DOK5: variants seen among roughly 807,000 people sequenced by gnomAD.
DOK5 encodes downstream of tyrosine kinase 5.
A neutral mutation model predicts 43.3 loss-of-function variants in DOK5; 27 were observed. The observed-to-expected ratio is 0.62, with a 90% CI of 0.46 to 0.86. The LOEUF is 0.86. DOK5 is among the 40% of genes least tolerant of loss of function. The probability of loss-of-function intolerance (pLI) is 0.00; values close to 1 mark genes in which losing one functional copy is unlikely to be tolerated. For missense variants in DOK5, 373 were observed against 392.9 expected, an observed-to-expected ratio of 0.95 and a Z score of 0.43; for synonymous variants, 146 against 140.1, an observed-to-expected ratio of 1.04 and a Z score of -0.30.
intron 1 of DOK5, among the ~76,000 whole-genome samples, chr20:54,481,608 G>A (rs1981723400): frequency 6.6e-6 from 1 of 152,146 alleles, no homozygotes; most frequent in South Asian, 2.1e-4. Context: ...CTACATGAGG[G>A]CTGGGACTTG....
intron 1 of DOK5, 96 bp from the exon 2 acceptor site, chr20:54,554,837 C>T: frequency 1.3e-6 from 1 of 777,448 alleles, no homozygotes; most frequent in Admixed American, 2.6e-5. Context: ...TTCTGGCTTG[C>T]AAATATTTCA....
chr20:54,489,808 T>C (rs2146666707), intron 1 of DOK5, among the ~76,000 whole-genome samples: 1 of 152,292 alleles, frequency 6.6e-6, no homozygotes, highest in South Asian at 2.1e-4. Context: ...AGACCACCCC[T>C]CATCATACCC....
intron 1 of DOK5, 34 bp downstream of exon 1, chr20:54,476,046 C>A: frequency 6.2e-7 from 1 of 1,610,148 alleles, no homozygotes; most frequent in Non-Finnish European, 8.5e-7. Context: ...TGCTGTTCGC[C>A]GGTTCGATTG....
chr20:54,562,256 G>A (rs1178505539), intron 2 of DOK5, among the ~76,000 whole-genome samples: 1 of 152,114 alleles, frequency 6.6e-6, no homozygotes, highest in Non-Finnish European at 1.5e-5. Flanking sequence ...ACTTATACTA[G>A]TATTGCATAG....
At chr20:54,616,737 A>G (rs1986819530) in intron 6 of DOK5, among the ~76,000 whole-genome samples, 1 of 146,918 alleles carries the variant, frequency 6.8e-6, no homozygotes, top group South Asian at 2.2e-4. Context: ...CTGCAGTCTC[A>G]TCTCAAGGTA....
At chr20:54,627,679 C>T (rs558459255) in intron 6 of DOK5, among the ~76,000 whole-genome samples, 113 of 152,306 alleles carry the variant, frequency 7.4e-4, no homozygotes, top group African/African-American at 2.4e-3. Context: ...CTCCAACTTA[C>T]GTGTGCATCA....
intron 1 of DOK5, among the ~76,000 whole-genome samples, chr20:54,481,129 A>C (rs370246145): frequency 1.5e-5 from 2 of 135,218 alleles, no homozygotes; most frequent in African/African-American, 5.8e-5. Flanking sequence ...TCATGTATCT[A>C]TCATCTATCT....
intron 1 of DOK5, among the ~76,000 whole-genome samples, chr20:54,521,315 C>T (rs1181099952): frequency 1.3e-5 from 2 of 151,926 alleles, no homozygotes; most frequent in Non-Finnish European, 2.9e-5. Flanking sequence ...TGTAGAGATC[C>T]CGCTGGTTAA....
chr20:54,621,357 T>C (rs1451756612), intron 6 of DOK5, among the ~76,000 whole-genome samples: 1 of 152,192 alleles, frequency 6.6e-6, no homozygotes, highest in Non-Finnish European at 1.5e-5. Flanking sequence ...TTGATTCAAC[T>C]GGTAAGAGAG....
At chr20:54,597,896 T>C (rs890422996) in intron 5 of DOK5, among the ~76,000 whole-genome samples, 5 of 152,250 alleles carry the variant, frequency 3.3e-5, no homozygotes, top group African/African-American at 1.2e-4. Context: ...TGTGAGCATA[T>C]TATCCTTTCC....
chr20:54,530,992 C>A (rs948257470), intron 1 of DOK5, among the ~76,000 whole-genome samples: 1 of 152,152 alleles, frequency 6.6e-6, no homozygotes, highest in Non-Finnish European at 1.5e-5. Flanking sequence ...ACTGTCTGAA[C>A]CACACTCCTA....
chr20:54,525,810 TC>T, intron 1 of DOK5, among the ~76,000 whole-genome samples: 1 of 152,378 alleles, frequency 6.6e-6, no homozygotes, highest in South Asian at 2.1e-4. Flanking sequence ...AATCCTTTGA[TC>T]TCCGCTGAAA....
intron 6 of DOK5, among the ~76,000 whole-genome samples, chr20:54,615,858 G>A (rs537732922): frequency 1.3e-5 from 2 of 151,006 alleles, no homozygotes; most frequent in Admixed American, 6.6e-5. Context: ...CCAAGATTGC[G>A]CCACTGCACT....
chr20:54,579,139 C>T (rs1282783452), intron 2 of DOK5, among the ~76,000 whole-genome samples: 3 of 152,076 alleles, frequency 2.0e-5, no homozygotes, highest in African/African-American at 4.8e-5. Flanking sequence ...TAATCAGTAT[C>T]ATCTTTACTC....
chr20:54,562,301 T>G (rs565187690), intron 2 of DOK5, among the ~76,000 whole-genome samples: 1 of 152,338 alleles, frequency 6.6e-6, no homozygotes, highest in South Asian at 2.1e-4. Flanking sequence ...TATTGAGAAT[T>G]AAAAGGGCCA....
chr20:54,549,552 C>T (rs1984455846), intron 1 of DOK5, among the ~76,000 whole-genome samples: 1 of 152,114 alleles, frequency 6.6e-6, no homozygotes, highest in Non-Finnish European at 1.5e-5. Context: ...AAAAAAGTCC[C>T]CTAGACTTAA....
At chr20:54,620,890 G>A (rs984586311) in intron 6 of DOK5, among the ~76,000 whole-genome samples, 6 of 152,070 alleles carry the variant, frequency 3.9e-5, no homozygotes, top group East Asian at 3.8e-4. Context: ...CCATTCTTGC[G>A]GAGCTTATTT....
intron 2 of DOK5, among the ~76,000 whole-genome samples, chr20:54,571,947 T>C (rs1230672928): frequency 6.6e-6 from 1 of 152,156 alleles, no homozygotes. Context: ...GCCTGGAAGC[T>C]CATCTTTGTT....
In DOK5 at chr20:54,578,276, A is replaced by AT. The variant is rs1264521109; in HGVS notation, c.175-10200dup. On this transcript the variant is annotated intron_variant, in intron 2 of 7. Coordinates refer to ENST00000262593, the MANE Select transcript of DOK5 (RefSeq NM_018431.5). ...GCTGGGATTTTGAAATTTAATACCCATTTTTTTGAGAAAATCAAGTATTTC... is the reference window on the plus strand; with the variant it reads ...GCTGGGATTTTGAAATTTAATACCCATTTTTTTTGAGAAAATCAAGTATTTC... 3.9e-5 allele frequency among the ~76,000 whole-genome samples: 6 copies of AT among 152,258 alleles called. No homozygotes were observed. The East Asian group carries it at 9.6e-4, about 24-fold the overall frequency.
Sources: allele counts gnomAD v4.1 joint callset (sites outside exome capture counted in the v4.1 genomes callset), GRCh38; gene constraint gnomAD v4.1.1; transcripts MANE v1.5; gene names NCBI Gene and HGNC (gene_info 2026-07-23, HGNC 2026-07-21).